The following WWP2 variants were observed in gnomAD, a reference collection of about 807,000 sequenced individuals.
The protein encoded by WWP2 is WW domain containing E3 ubiquitin protein ligase 2.
WWP2 carries 57 observed loss-of-function variants against 121.0 expected under a neutral mutation model. The observed-to-expected ratio is 0.47, with a 90% confidence interval of 0.38 to 0.59. WWP2 has a LOEUF of 0.59. Ranked by LOEUF, WWP2 falls within the 20% of genes least tolerant of loss-of-function variation. WWP2 has a pLI of 0.00. For synonymous variants in WWP2, 449 were observed against 441.3 expected (o/e 1.02, Z -0.22); for missense variants, 962 against 1,158.9 (o/e 0.83, Z 2.47).
At chr16:69,782,659 T>TC (rs1467319819) in intron 1 of WWP2, among the ~76,000 whole-genome samples, 1 of 152,174 alleles carries the variant, frequency 6.6e-6, no homozygotes. Context: ...AAAATGCTTA[T>TC]TACAGACTAG....
chr16:69,830,767 C>A (rs1414173250), intron 4 of WWP2, among the ~76,000 whole-genome samples: 1 of 152,138 alleles, frequency 6.6e-6, no homozygotes, highest in African/African-American at 2.4e-5. Context: ...AGCCGAAGAG[C>A]CATCGTAACA....
At chr16:69,815,258 C>T (rs763644681) in intron 4 of WWP2, among the ~76,000 whole-genome samples, 3 of 152,138 alleles carry the variant, frequency 2.0e-5, no homozygotes, top group Non-Finnish European at 4.4e-5. Flanking sequence ...CCATCTTGGC[C>T]TCCCAAAGTG....
intron 6 of WWP2, among the ~76,000 whole-genome samples, chr16:69,851,473 A>G (rs1265987770): frequency 6.6e-6 from 1 of 152,056 alleles, no homozygotes; most frequent in Non-Finnish European, 1.5e-5. Flanking sequence ...TCACTTAGTA[A>G]TTGGGATTTA....
rs754970540 is a variant in WWP2, at chr16:69,931,910, A to G, written c.1682+20A>G. ...CGCCAGGTGAGCTTGAGTGCCCCGG[A>G]AGGCTGCCCTGTACCCCGCTTCCCC... On this transcript the variant is annotated intron_variant, in intron 16 of 23. Transcript: ENST00000359154. 9 of 1,607,446 alleles carry G rather than the reference A, an allele frequency of 5.6e-6. No homozygotes were observed. The highest frequency in any genetic ancestry group is 7.6e-6 in the Non-Finnish European group (9 of 1,176,588).
intron 8 of WWP2, among the ~76,000 whole-genome samples, chr16:69,895,608 A>T (rs914866584): frequency 6.6e-6 from 1 of 152,146 alleles, no homozygotes; most frequent in Non-Finnish European, 1.5e-5. Flanking sequence ...TACAAAAAAT[A>T]CAAACAAAAA....
At chr16:69,863,636 G>A (rs900828463) in intron 6 of WWP2, among the ~76,000 whole-genome samples, 1 of 152,078 alleles carries the variant, frequency 6.6e-6, no homozygotes, top group South Asian at 2.1e-4. Flanking sequence ...GTGAAACTCC[G>A]TCTCAAAAAC....
chr16:69,845,021 C>T (rs2057044242), intron 6 of WWP2, among the ~76,000 whole-genome samples: 9 of 152,148 alleles, frequency 5.9e-5, no homozygotes, highest in Admixed American at 5.9e-4. Context: ...GCCAAGGAGT[C>T]TATTGGATAA....
intron 7 of WWP2, among the ~76,000 whole-genome samples, chr16:69,883,499 A>G (rs1267199794): frequency 1.3e-5 from 2 of 152,154 alleles, no homozygotes; most frequent in African/African-American, 4.8e-5. Flanking sequence ...AGGCTTGTCC[A>G]TGCTAGGATA....
intron 7 of WWP2, among the ~76,000 whole-genome samples, chr16:69,877,654 T>C (rs2057756914): frequency 6.6e-6 from 1 of 152,062 alleles, no homozygotes; most frequent in Non-Finnish European, 1.5e-5. Flanking sequence ...TAATAATATC[T>C]AGTATTTGAT....
intron 10 of WWP2, among the ~76,000 whole-genome samples, chr16:69,923,320 T>TGGGG (rs1555504308): frequency 6.0e-5 from 2 of 33,558 alleles, no homozygotes; most frequent in African/African-American, 9.0e-5. Context: ...GTTGGGGGGG[T>TGGGG]GGGGGGGGTG....
At chr16:69,873,608 T>C (rs1333999909) in intron 7 of WWP2, among the ~76,000 whole-genome samples, 3 of 152,208 alleles carry the variant, frequency 2.0e-5, no homozygotes, top group Non-Finnish European at 2.9e-5. Context: ...AGCAAAGTGA[T>C]GGCCGTGAGC....
intron 4 of WWP2, among the ~76,000 whole-genome samples, chr16:69,800,077 A>G (rs2151814802): frequency 6.6e-6 from 1 of 152,346 alleles, no homozygotes; most frequent in South Asian, 2.1e-4. Flanking sequence ...GTTGCGTCCC[A>G]GCGAGCGTGT....
At chr16:69,863,007 G>A (rs1374728439) in intron 6 of WWP2, among the ~76,000 whole-genome samples, 2 of 152,110 alleles carry the variant, frequency 1.3e-5, no homozygotes, top group East Asian at 1.9e-4. Context: ...GATTACAGGT[G>A]TGAGCCGCCA....
intron 7 of WWP2, among the ~76,000 whole-genome samples, chr16:69,882,676 C>T (rs1428386640): frequency 1.3e-5 from 2 of 151,920 alleles, no homozygotes; most frequent in East Asian, 1.9e-4. Context: ...GGAAGAAGGC[C>T]GATGTGGGCA....
intron 8 of WWP2, among the ~76,000 whole-genome samples, chr16:69,907,673 T>C (rs1009595494): frequency 2.0e-5 from 3 of 152,212 alleles, no homozygotes; most frequent in African/African-American, 7.2e-5. Flanking sequence ...CTTGGCTGTA[T>C]TTTGTACTGA....
intron 9 of WWP2, among the ~76,000 whole-genome samples, chr16:69,912,984 AT>A (rs2058418272): frequency 9.9e-5 from 1 of 10,054 alleles, no homozygotes; most frequent in Non-Finnish European, 1.7e-4. Context: ...ATATATATAT[AT>A]ATATATATAT....
intron 4 of WWP2, among the ~76,000 whole-genome samples, chr16:69,803,703 T>G (rs1235206566): frequency 1.3e-5 from 2 of 152,044 alleles, no homozygotes; most frequent in Non-Finnish European, 2.9e-5. Flanking sequence ...AGGCCAGGAG[T>G]TCGAGACCAG....
intron 4 of WWP2, among the ~76,000 whole-genome samples, chr16:69,821,868 G>C (rs575738364): frequency 1.3e-5 from 2 of 149,668 alleles, no homozygotes; most frequent in South Asian, 4.2e-4. Flanking sequence ...ATTTTTCTTT[G>C]TTTTGTTTTT....
chr16:69,826,938 CAAAAAA>C, intron 4 of WWP2, among the ~76,000 whole-genome samples: 1 of 85,218 alleles, frequency 1.2e-5, no homozygotes, highest in East Asian at 4.3e-4. Context: ...GACTCCACCT[CAAAAAA>C]AAAAAAAAAA....
Sources: allele counts gnomAD v4.1 joint callset (sites outside exome capture counted in the v4.1 genomes callset), GRCh38; gene constraint gnomAD v4.1.1; transcripts MANE v1.5; gene names NCBI Gene and HGNC (gene_info 2026-07-23, HGNC 2026-07-21).